The following PUS7 variants were observed in gnomAD, a reference collection of about 807,000 sequenced individuals.
The protein encoded by PUS7 is pseudouridylate synthase 7 homolog.
PUS7 carries 48 observed loss-of-function variants against 79.8 expected under a neutral mutation model. That is an observed-to-expected ratio of 0.60 (90% CI 0.48 to 0.76). PUS7 has a LOEUF of 0.76. Ranked by LOEUF, PUS7 falls within the 30% of genes least tolerant of loss-of-function variation. The pLI, the probability that PUS7 is intolerant of heterozygous loss-of-function variation, is 0.00. For missense variants in PUS7, 729 were observed against 797.6 expected (o/e 0.91, Z 1.04); for synonymous variants, 286 against 272.2 (o/e 1.05, Z -0.50).
intron 6 of PUS7, 121 bp downstream of exon 6, chr7:105,495,021 T>TG (rs1267261797): frequency 1.3e-5 from 7 of 552,726 alleles, no homozygotes; most frequent in Non-Finnish European, 1.9e-5. Context: ...AAACTATCAT[T>TG]GGGAGGAGCA....
intron 5 of PUS7, 108 bp downstream of exon 5, chr7:105,502,312 C>A: frequency 7.4e-7 from 1 of 1,343,102 alleles, no homozygotes; most frequent in Non-Finnish European, 1.0e-6. Context: ...ATATTGTTCT[C>A]TGAGCAGCAC....
intron 12 of PUS7, among the ~76,000 whole-genome samples, chr7:105,467,646 C>T (rs1467924028): frequency 1.3e-5 from 2 of 151,878 alleles, no homozygotes; most frequent in Non-Finnish European, 2.9e-5. Context: ...TATTTATTTG[C>T]TAGACCTAGA....
intron 5 of PUS7, 123 bp downstream of exon 5, chr7:105,502,297 G>T: frequency 1.6e-6 from 2 of 1,227,566 alleles, no homozygotes; most frequent in South Asian, 1.5e-5. Flanking sequence ...GGAGGGACAT[G>T]ATCAATATTG....
intron 2 of PUS7, among the ~76,000 whole-genome samples, chr7:105,506,698 CA>C (rs1825478184): frequency 6.6e-6 from 1 of 152,136 alleles, no homozygotes; most frequent in African/African-American, 2.4e-5. Flanking sequence ...GCTGGGATTA[CA>C]GGCGTGAATC....
chr7:105,500,569 C>T (rs1434393378), intron 5 of PUS7, among the ~76,000 whole-genome samples: 1 of 152,186 alleles, frequency 6.6e-6, no homozygotes, highest in Non-Finnish European at 1.5e-5. Context: ...AAGACCTTGC[C>T]TTGTCTTCCC....
At chr7:105,463,850 C>T (rs1436869540) in intron 13 of PUS7, among the ~76,000 whole-genome samples, 1 of 152,104 alleles carries the variant, frequency 6.6e-6, no homozygotes, top group East Asian at 1.9e-4. Flanking sequence ...GAATATTATG[C>T]AATTCTTAAA....
At chr7:105,473,672 G>T (rs1448819311) in intron 9 of PUS7, among the ~76,000 whole-genome samples, 1 of 151,966 alleles carries the variant, frequency 6.6e-6, no homozygotes, top group Non-Finnish European at 1.5e-5. Flanking sequence ...GCCTGCCTCG[G>T]CCTCCCAAAG....
At chr7:105,471,427 C>T (rs1247317592) in intron 10 of PUS7, among the ~76,000 whole-genome samples, 1 of 152,174 alleles carries the variant, frequency 6.6e-6, no homozygotes, top group Non-Finnish European at 1.5e-5. Context: ...TTCTTATACA[C>T]TCAGATTTAG....
rs1023072024 is a variant in PUS7, at chr7:105,456,822, A to C, written c.*968T>G. Reference sequence around the variant, plus strand: ...GTCCAGTGGAAAGAGTTCTGAACATAAAAGGCACCTAGAGTAAAAATTAGA... The same window carrying C: ...GTCCAGTGGAAAGAGTTCTGAACATCAAAGGCACCTAGAGTAAAAATTAGA... On this transcript the variant is annotated 3_prime_UTR_variant, in exon 16 of 16. Coordinates refer to ENST00000469408, the MANE Select transcript of PUS7 (RefSeq NM_019042.5). 6.6e-6 allele frequency: 1 copy of C among 152,126 alleles called. No individual in the cohort carries two copies. The highest frequency in any genetic ancestry group is 2.1e-4 in the South Asian group (1 of 4,830). 9.4% of individuals were successfully genotyped at this position (152,126 alleles called of 1,614,324 possible).
chr7:105,515,308 T>A (rs1159841927), intron 1 of PUS7, among the ~76,000 whole-genome samples: 2 of 152,208 alleles, frequency 1.3e-5, no homozygotes, highest in African/African-American at 4.8e-5. Context: ...TGCTAAAAAC[T>A]CCTGTCTCTG....
chr7:105,512,988 C>G (rs1279249805), intron 1 of PUS7, among the ~76,000 whole-genome samples: 1 of 152,152 alleles, frequency 6.6e-6, no homozygotes, highest in African/African-American at 2.4e-5. Flanking sequence ...CCCTGGGGAA[C>G]TGAGAGGACA....
chr7:105,516,892 G>C (rs1374771086), intron 1 of PUS7, among the ~76,000 whole-genome samples: 1 of 152,064 alleles, frequency 6.6e-6, no homozygotes, highest in Non-Finnish European at 1.5e-5. Context: ...AAGGAAATCA[G>C]TTTTGCAGTC....
At chr7:105,477,224 C>A (rs961874406) in intron 9 of PUS7, among the ~76,000 whole-genome samples, 15 of 152,054 alleles carry the variant, frequency 9.9e-5, no homozygotes, top group Non-Finnish European at 1.3e-4. Flanking sequence ...ATGTTTAGAT[C>A]TTTGGTCCAT....
chr7:105,482,237 G>C (rs1824352149), intron 8 of PUS7, 75 bp downstream of exon 8: 1 of 1,522,828 alleles, frequency 6.6e-7, no homozygotes, highest in Non-Finnish European at 9.0e-7. Context: ...AGGACCTTAT[G>C]ACCAACCGTG....
At chr7:105,495,017 T>G in intron 6 of PUS7, 125 bp downstream of exon 6, 1 of 478,752 alleles carries the variant, frequency 2.1e-6, no homozygotes, top group Non-Finnish European at 3.8e-6. Flanking sequence ...AAGAAAACTA[T>G]CATTGGGAGG....
chr7:105,495,635 C>T (rs1285828789), intron 5 of PUS7, among the ~76,000 whole-genome samples: 2 of 152,004 alleles, frequency 1.3e-5, no homozygotes, highest in African/African-American at 4.8e-5. Context: ...GTCCCAACTA[C>T]TCAGATGGCT....
At chr7:105,492,544 C>A (rs1179631076) in intron 6 of PUS7, among the ~76,000 whole-genome samples, 1 of 125,912 alleles carries the variant, frequency 7.9e-6, no homozygotes, top group Non-Finnish European at 1.6e-5. Context: ...CTCGCTCTGT[C>A]GCCCAGGCTG....
intron 1 of PUS7, among the ~76,000 whole-genome samples, chr7:105,517,772 G>A (rs1825952189): frequency 6.6e-6 from 1 of 151,152 alleles, no homozygotes; most frequent in Admixed American, 6.6e-5. Flanking sequence ...CTGAAAAAAT[G>A]CAGGCAGGTA....
intron 1 of PUS7, among the ~76,000 whole-genome samples, chr7:105,521,488 C>A (rs1194573433): frequency 6.6e-6 from 1 of 152,194 alleles, no homozygotes; most frequent in Non-Finnish European, 1.5e-5. Flanking sequence ...TGCAGCCCGT[C>A]CACTCCTACT....
Sources: allele counts gnomAD v4.1 joint callset (sites outside exome capture counted in the v4.1 genomes callset), GRCh38; gene constraint gnomAD v4.1.1; transcripts MANE v1.5; gene names NCBI Gene and HGNC (gene_info 2026-07-23, HGNC 2026-07-21).